RAB2A: variants seen among roughly 807,000 people sequenced by gnomAD.
RAB2A encodes the protein RAB2A, member RAS oncogene family.
Under a neutral mutation model 32.5 loss-of-function variants are expected in RAB2A, and 7 were observed. The ratio of observed to expected loss-of-function variants is 0.22; its 90% CI spans 0.12 to 0.40. The LOEUF is 0.40. Ranked by LOEUF, RAB2A falls within the 10% of genes least tolerant of loss-of-function variation. The pLI, the probability that RAB2A is intolerant of heterozygous loss-of-function variation, is 1.00. For missense variants in RAB2A, 108 were observed against 260.7 expected, an observed-to-expected ratio of 0.41 and a Z score of 4.03; for synonymous variants, 79 against 85.2, an observed-to-expected ratio of 0.93 and a Z score of 0.40.
intron 1 of RAB2A, among the ~76,000 whole-genome samples, chr8:60,543,953 T>C: frequency 6.6e-6 from 1 of 150,394 alleles, no homozygotes; most frequent in African/African-American, 2.4e-5. Context: ...TCCCAGCTAC[T>C]CAGGAGGCTG....
chr8:60,538,133 C>T (rs368899924), intron 1 of RAB2A, among the ~76,000 whole-genome samples: 3 of 152,182 alleles, frequency 2.0e-5, no homozygotes, highest in Admixed American at 6.6e-5. Context: ...AGATTTAATA[C>T]CTCTGTAACT....
chr8:60,592,268 A>T (rs1169073423), intron 6 of RAB2A, among the ~76,000 whole-genome samples: 1 of 152,116 alleles, frequency 6.6e-6, no homozygotes, highest in Non-Finnish European at 1.5e-5. Flanking sequence ...ATTCATAGAA[A>T]GTCAGTCTGG....
At chr8:60,544,679 A>C (rs1435204568) in intron 1 of RAB2A, among the ~76,000 whole-genome samples, 1 of 150,554 alleles carries the variant, frequency 6.6e-6, no homozygotes, top group Non-Finnish European at 1.5e-5. Flanking sequence ...TATAGGTGTG[A>C]GCCCCTGGCC....
chr8:60,529,129 T>G (rs1239886071), intron 1 of RAB2A, among the ~76,000 whole-genome samples: 2 of 152,282 alleles, frequency 1.3e-5, no homozygotes, highest in Non-Finnish European at 2.9e-5. Flanking sequence ...TTAAAAAATC[T>G]TTTCATTATT....
chr8:60,560,121 GT>G (rs1807999027), intron 2 of RAB2A, among the ~76,000 whole-genome samples: 1 of 152,070 alleles, frequency 6.6e-6, no homozygotes, highest in African/African-American at 2.4e-5. Flanking sequence ...AAAGAGTCTC[GT>G]TTTGTAGACT....
At chr8:60,574,426 G>A (rs189119867) in intron 3 of RAB2A, among the ~76,000 whole-genome samples, 14 of 152,276 alleles carry the variant, frequency 9.2e-5, no homozygotes, top group South Asian at 4.1e-4. Context: ...ATCTCATTCT[G>A]TCTAAGCAAC....
upstream of RAB2A, chr8:60,516,968 A>C (rs1807212817): frequency 2.5e-6 from 1 of 397,476 alleles, no homozygotes. Flanking sequence ...GGCGGGGCGG[A>C]GGCGCCGCGG....
chr8:60,591,276 G>C (rs916091348), intron 5 of RAB2A, among the ~76,000 whole-genome samples: 3 of 149,670 alleles, frequency 2.0e-5, no homozygotes, highest in Non-Finnish European at 4.4e-5. Context: ...CTCTCACTCC[G>C]TTTCTCCTTT....
intron 1 of RAB2A, among the ~76,000 whole-genome samples, chr8:60,525,947 A>G (rs1807371731): frequency 6.8e-6 from 1 of 146,580 alleles, no homozygotes; most frequent in East Asian, 2.0e-4. Flanking sequence ...ATATGTCTAT[A>G]TATGTATATA....
intron 1 of RAB2A, among the ~76,000 whole-genome samples, chr8:60,529,159 C>T (rs10957141): frequency 0.23 from 34,715 of 151,624 alleles, 4,066 homozygotes; most frequent in Middle Eastern, 0.38. Context: ...CTTTATTACA[C>T]TTAGAGACTG....
chr8:60,548,901 G>C (rs1032502457), intron 1 of RAB2A, among the ~76,000 whole-genome samples: 1 of 149,032 alleles, frequency 6.7e-6, no homozygotes, highest in Non-Finnish European at 1.5e-5. Context: ...CTGCCGGGCA[G>C]AGGGGCTCCT....
chr8:60,590,386 C>G (rs1040474663), intron 5 of RAB2A, among the ~76,000 whole-genome samples: 2 of 150,780 alleles, frequency 1.3e-5, no homozygotes, highest in African/African-American at 4.9e-5. Context: ...TCCTGTAGTC[C>G]TAGCAATTGG....
At chr8:60,550,803 C>G (rs567407248) in intron 1 of RAB2A, among the ~76,000 whole-genome samples, 94 of 152,328 alleles carry the variant, frequency 6.2e-4, no homozygotes, top group African/African-American at 2.2e-3. Flanking sequence ...AGTGAATCCC[C>G]TATTTTATCT....
chr8:60,556,925 G>A (rs1807948551), intron 1 of RAB2A, among the ~76,000 whole-genome samples: 1 of 152,134 alleles, frequency 6.6e-6, no homozygotes, highest in Non-Finnish European at 1.5e-5. Context: ...AATTGGGGAT[G>A]TTAAATAATT....
At chr8:60,588,315 C>T (rs1446357439) in intron 5 of RAB2A, among the ~76,000 whole-genome samples, 1 of 152,100 alleles carries the variant, frequency 6.6e-6, no homozygotes, top group Non-Finnish European at 1.5e-5. Flanking sequence ...ATCTATATTT[C>T]CTAGCCACTT....
intron 1 of RAB2A, among the ~76,000 whole-genome samples, chr8:60,549,059 G>C (rs1438873854): frequency 6.6e-6 from 1 of 151,032 alleles, no homozygotes; most frequent in South Asian, 2.1e-4. Flanking sequence ...GGGCAGAGAC[G>C]CTCCTCACTT....
intron 6 of RAB2A, among the ~76,000 whole-genome samples, chr8:60,596,741 G>A (rs1036053919): frequency 1.3e-5 from 2 of 152,086 alleles, no homozygotes; most frequent in Non-Finnish European, 2.9e-5. Context: ...CTAACAGGGT[G>A]AAACCCCATC....
At chr8:60,547,861 C>T (rs1401476131) in intron 1 of RAB2A, among the ~76,000 whole-genome samples, 1 of 122,596 alleles carries the variant, frequency 8.2e-6, no homozygotes, top group African/African-American at 3.4e-5. Context: ...CTGGACGGGG[C>T]GGCTGGCCGG....
At chr8:60,527,226 A>G (rs926239895) in intron 1 of RAB2A, among the ~76,000 whole-genome samples, 2 of 152,152 alleles carry the variant, frequency 1.3e-5, no homozygotes, top group African/African-American at 2.4e-5. Context: ...GAGAACAGCA[A>G]GGGGAGGAAT....
Sources: allele counts gnomAD v4.1 joint callset (sites outside exome capture counted in the v4.1 genomes callset), GRCh38; gene constraint gnomAD v4.1.1; transcripts MANE v1.5; gene names NCBI Gene and HGNC (gene_info 2026-07-23, HGNC 2026-07-21).